CYP27A1: variants seen among roughly 807,000 people sequenced by gnomAD.
CYP27A1 encodes sterol 26-hydroxylase, mitochondrial.
A neutral mutation model predicts 58.2 loss-of-function variants in CYP27A1; 46 were observed. The ratio of observed to expected loss-of-function variants is 0.79; its 90% CI spans 0.62 to 1.01. The LOEUF is 1.01. Ranked by LOEUF, CYP27A1 falls within the 50% of genes least tolerant of loss-of-function variation. The pLI, the probability that CYP27A1 is intolerant of heterozygous loss-of-function variation, is 0.00. For missense variants in CYP27A1, 704 were observed against 687.0 expected (o/e 1.02, Z -0.28); for synonymous variants, 274 against 285.1 (o/e 0.96, Z 0.39).
chr2:218,814,516 C>T, intron 7 of CYP27A1, 29 bp from the exon 8 acceptor site: 1 of 1,613,280 alleles, frequency 6.2e-7, no homozygotes, highest in Non-Finnish European at 8.5e-7. Context: ...CGAAGAGAGG[C>T]ATTCATGCTG....
At chr2:218,797,918 C>T (rs1025222426) in intron 1 of CYP27A1, among the ~76,000 whole-genome samples, 2 of 152,196 alleles carry the variant, frequency 1.3e-5, no homozygotes, top group African/African-American at 4.8e-5. Flanking sequence ...ATAATCCTTT[C>T]ACTACTTGTT....
rs754255520 is a variant in CYP27A1, at chr2:218,814,438, G to T, written c.1243G>T (p.Gly415Cys). ...RIIEKEIEVDGFLFPKNTQFV... is the reference protein window; with the variant it reads ...RIIEKEIEVDCFLFPKNTQFV... ...CATAGAAAAGGAAATTGAAGTTGAT[G>T]GCTTCCTCTTCCCCAAGAACGTGAG... is the stretch of plus-strand genomic sequence containing the variant. The change falls in exon 7 of 9, where the codon GGC becomes TGC. Residue 415 changes from glycine to cysteine, a missense_variant. Physicochemically the swap from Gly to Cys is radical, Grantham distance 159. Transcript: ENST00000258415. 21 of 1,614,106 alleles carry T rather than the reference G, an allele frequency of 1.3e-5. No individual in the cohort carries two copies. The highest frequency in any genetic ancestry group is 1.7e-6 in the Non-Finnish European group (2 of 1,180,044).
rs72551322 is a variant in CYP27A1 at position 218,814,716 on chromosome 2, C to A, written c.1435C>A (p.Arg479Ser). The A allele has an allele frequency of 4.3e-6, 7 of 1,614,026 alleles. No individual in the cohort carries two copies. Among genetic ancestry groups the A allele is most frequent in the Non-Finnish European group, 5.9e-6 (7 of 1,180,044 alleles). Residue 479 changes from arginine to serine, a missense_variant, in exon 8 of 9, where the codon CGC becomes AGC. Physicochemically the swap from Arg to Ser is moderately radical, Grantham distance 110 (BLOSUM62 -1). Transcript: ENST00000258415. ...CTATGGGGTCCGGGCCTGCCTGGGC[C>A]GCAGGATTGCAGAGCTGGAGATGCA... is the stretch of plus-strand genomic sequence containing the variant. ...FGYGVRACLG[R>S]RIAELEMQLL...
At chr2:218,801,995 T>TTTA (rs397688567) in intron 1 of CYP27A1, among the ~76,000 whole-genome samples, 1 of 149,216 alleles carries the variant, frequency 6.7e-6, no homozygotes, top group African/African-American at 2.5e-5. Context: ...TTTTTTTTTT[T>TTTA]AATTCCTATT....
At position 218,809,439 on chromosome 2, in the gene CYP27A1, G is replaced by GT. The variant is rs1559391300; in HGVS notation, c.256-138_256-137insT. 2.1e-5 allele frequency: 14 copies of GT among 662,884 alleles called. No individual in the cohort carries two copies. The African/African-American group carries it at 4.1e-4, about 20-fold the overall frequency. The allele number at this position is 662,884 out of a possible 1,614,324, so 41.1% of individuals were successfully genotyped here. On this transcript the variant is annotated intron_variant, in intron 1 of 8. Transcript: ENST00000258415. ...TCCTGGTGCCTACATCATACACAAT[G>GT]CCCTTTTTTTTTTTTTTTTTTTTTT... is the stretch of plus-strand genomic sequence containing the variant.
intron 5 of CYP27A1, among the ~76,000 whole-genome samples, 161 bp from the exon 6 acceptor site, chr2:218,813,860 T>C (rs927764210): frequency 6.6e-6 from 1 of 152,214 alleles, no homozygotes; most frequent in African/African-American, 2.4e-5. Flanking sequence ...TGTGGATTCA[T>C]GTTTAGCATG....
intron 1 of CYP27A1, among the ~76,000 whole-genome samples, chr2:218,799,639 ACC>A (rs1252311903): frequency 6.6e-6 from 1 of 151,684 alleles, no homozygotes. Flanking sequence ...CCTCACACCA[ACC>A]TCCATAATCA....
At chr2:218,813,569 T>C (rs910526936) in intron 5 of CYP27A1, among the ~76,000 whole-genome samples, 1 of 152,072 alleles carries the variant, frequency 6.6e-6, no homozygotes, top group African/African-American at 2.4e-5. Flanking sequence ...GGGATTACAG[T>C]TGTGCACCAC....
At chr2:218,790,656 G>A (rs1943483556) in intron 1 of CYP27A1, among the ~76,000 whole-genome samples, 1 of 151,928 alleles carries the variant, frequency 6.6e-6, no homozygotes. Flanking sequence ...ATCCTTTACA[G>A]TAGAATCTGC....
intron 1 of CYP27A1, among the ~76,000 whole-genome samples, chr2:218,788,507 A>G (rs1025687750): frequency 2.6e-5 from 4 of 152,194 alleles, no homozygotes; most frequent in Admixed American, 6.5e-5. Flanking sequence ...ATCTGTAGCT[A>G]TCTTTAATCC....
intron 1 of CYP27A1, among the ~76,000 whole-genome samples, chr2:218,803,238 C>T (rs1413382377): frequency 6.6e-6 from 1 of 152,084 alleles, no homozygotes; most frequent in Admixed American, 6.6e-5. Context: ...GTATAATGGG[C>T]GTGAACCACC....
intron 1 of CYP27A1, among the ~76,000 whole-genome samples, chr2:218,808,380 T>A (rs1943672504): frequency 6.6e-6 from 1 of 152,264 alleles, no homozygotes; most frequent in Non-Finnish European, 1.5e-5. Context: ...ACTGGCAGAA[T>A]CAGCCATTTG....
At chr2:218,812,072 T>G in intron 2 of CYP27A1, 150 bp from the exon 3 acceptor site, 1 of 676,998 alleles carries the variant, frequency 1.5e-6, no homozygotes, top group Non-Finnish European at 2.6e-6. Flanking sequence ...TCACTTGAGA[T>G]TTTGGTGATT....
chr2:218,815,140 C>T lies in CYP27A1; in HGVS notation c.*110C>T. Reference sequence around the variant, plus strand: ...GGAGGGAGAGAAGGAGGCCGCCAGACTCGAGAGGTGGGAGGAACTCCTTGC... The same window carrying T: ...GGAGGGAGAGAAGGAGGCCGCCAGATTCGAGAGGTGGGAGGAACTCCTTGC... On this transcript the variant is annotated 3_prime_UTR_variant, in exon 9 of 9. Coordinates refer to ENST00000258415, the MANE Select transcript of CYP27A1 (RefSeq NM_000784.4). The T allele has an allele frequency of 1.5e-6, 2 of 1,372,384 alleles. No individual in the cohort carries two copies. The highest frequency in any genetic ancestry group is 2.0e-6 in the Non-Finnish European group (2 of 976,996). 85.0% of individuals were successfully genotyped at this position (1,372,384 alleles called of 1,614,324 possible).
At chr2:218,810,459 C>T (rs1217316680) in intron 2 of CYP27A1, among the ~76,000 whole-genome samples, 1 of 152,052 alleles carries the variant, frequency 6.6e-6, no homozygotes, top group Non-Finnish European at 1.5e-5. Context: ...AGCCAGTTTC[C>T]TGAATAGATG....
At chr2:218,790,791 G>A (rs553248389) in intron 1 of CYP27A1, among the ~76,000 whole-genome samples, 8 of 151,700 alleles carry the variant, frequency 5.3e-5, no homozygotes, top group South Asian at 2.1e-4. Context: ...TCCACCTCCC[G>A]GGTTCACGCC....
chr2:218,795,536 G>A (rs1943540192), intron 1 of CYP27A1, among the ~76,000 whole-genome samples: 1 of 152,108 alleles, frequency 6.6e-6, no homozygotes, highest in African/African-American at 2.4e-5. Flanking sequence ...TCCAAGTGAT[G>A]GGCATCCTAC....
Position 218,813,073 on chromosome 2 carries a change from C to T in CYP27A1, c.994C>T (p.Leu332=). The change falls in exon 5 of 9, where the codon CTG becomes TTG. Residue 332 remains leucine (L), a synonymous_variant. Coordinates refer to ENST00000258415, the MANE Select transcript of CYP27A1 (RefSeq NM_000784.4). The part of the protein sequence containing the change: ...PREAMGSLPE[L]LMAGVDTTSN... ...GGAGGCCATGGGCAGCCTGCCTGAG[C>T]TGCTCATGGCTGGAGTGGACACGGT... 6.2e-7 allele frequency: 1 copy of T among 1,613,110 alleles called. No individual in the cohort carries two copies. Among genetic ancestry groups the T allele is most frequent in the African/African-American group, 1.3e-5 (1 of 75,026 alleles).
chr2:218,807,317 A>G (rs1243858236), intron 1 of CYP27A1, among the ~76,000 whole-genome samples: 1 of 152,136 alleles, frequency 6.6e-6, no homozygotes, highest in Non-Finnish European at 1.5e-5. Context: ...TTTAAAAAGC[A>G]ACCTTTAAGG....
Sources: allele counts gnomAD v4.1 joint callset (sites outside exome capture counted in the v4.1 genomes callset), GRCh38; gene constraint gnomAD v4.1.1; transcripts MANE v1.5; gene names NCBI Gene and HGNC (gene_info 2026-07-23, HGNC 2026-07-21).